Variants in NRG3 observed in about 807,000 individuals in gnomAD.
NRG3 encodes pro-neuregulin-3, membrane-bound isoform.
NRG3 carries 31 observed loss-of-function variants against 66.9 expected under a neutral mutation model. The ratio of observed to expected loss-of-function variants is 0.46; its 90% CI spans 0.35 to 0.63. The LOEUF is 0.63. Ranked by LOEUF, NRG3 falls within the 20% of genes least tolerant of loss-of-function variation. The pLI, the probability that NRG3 is intolerant of heterozygous loss-of-function variation, is 0.00. For synonymous variants in NRG3, 393 were observed against 359.4 expected, an observed-to-expected ratio of 1.09 and a Z score of -1.06; for missense variants, 910 against 878.9, an observed-to-expected ratio of 1.04 and a Z score of -0.45.
At chr10:82,118,033 G>T (rs1389321449) in intron 1 of NRG3, among the ~76,000 whole-genome samples, 1 of 151,966 alleles carries the variant, frequency 6.6e-6, no homozygotes, top group African/African-American at 2.4e-5. Context: ...CACCAACACA[G>T]CCTGAAGCAT....
chr10:82,148,657 G>A (rs543302842), intron 1 of NRG3, among the ~76,000 whole-genome samples: 12 of 152,188 alleles, frequency 7.9e-5, no homozygotes, highest in Non-Finnish European at 1.5e-4. Context: ...TTTAGGGAGA[G>A]GCCTGAAACT....
intron 1 of NRG3, among the ~76,000 whole-genome samples, chr10:82,114,550 C>T (rs2067583051): frequency 6.6e-6 from 1 of 152,050 alleles, no homozygotes. Context: ...CTTGCACAAG[C>T]ATGTCGTCAA....
At chr10:81,906,306 A>G (rs1270935030) in intron 1 of NRG3, among the ~76,000 whole-genome samples, 1 of 152,204 alleles carries the variant, frequency 6.6e-6, no homozygotes, top group South Asian at 2.1e-4. Context: ...GTATGCAGCC[A>G]AATGTTCGTT....
At position 82,203,960 on chromosome 10, in the gene NRG3, A is replaced by G. The variant is rs150000640; in HGVS notation, c.824-154779A>G. Among the ~76,000 whole-genome samples, 1,324 of 152,298 alleles carry G rather than the reference A, an allele frequency of 8.7e-3. 24 individuals carry two copies. Among genetic ancestry groups the G allele is most frequent in the African/African-American group, 0.031 (1,276 of 41,558 alleles). On this transcript the variant is annotated intron_variant, in intron 1 of 8. Transcript: ENST00000372141. ...ATGACTTTTTTTTGGTTCTTTATTT[A>G]ACTGACCATCAGATTTAATATGTTA...
At chr10:82,464,511 C>A (rs370481021) in intron 2 of NRG3, among the ~76,000 whole-genome samples, 2 of 152,150 alleles carry the variant, frequency 1.3e-5, no homozygotes, top group South Asian at 2.1e-4. Context: ...AAAGAGCCAG[C>A]CTTCCTTGCC....
intron 2 of NRG3, among the ~76,000 whole-genome samples, chr10:82,608,212 G>C (rs989905741): frequency 6.6e-6 from 1 of 152,056 alleles, no homozygotes; most frequent in African/African-American, 2.4e-5. Flanking sequence ...TAGCTTGGTG[G>C]GTTTTTTGTT....
At chr10:82,591,182 T>A (rs2046961028) in intron 2 of NRG3, among the ~76,000 whole-genome samples, 1 of 152,156 alleles carries the variant, frequency 6.6e-6, no homozygotes, top group Non-Finnish European at 1.5e-5. Context: ...TCTTAAAGCC[T>A]AGAAGACAAG....
intron 3 of NRG3, among the ~76,000 whole-genome samples, chr10:82,778,988 C>A (rs7477796): frequency 4.0e-5 from 6 of 151,734 alleles, no homozygotes. Flanking sequence ...TTTCCCTGTA[C>A]GAGAATGTGG....
intron 1 of NRG3, among the ~76,000 whole-genome samples, chr10:82,289,724 G>T (rs1414758): frequency 6.6e-6 from 1 of 152,132 alleles, no homozygotes; most frequent in Admixed American, 6.5e-5. Flanking sequence ...CCAAATGAAA[G>T]CCATTTTTCC....
chr10:82,156,185 C>T (rs2071169875), intron 1 of NRG3, among the ~76,000 whole-genome samples: 1 of 151,418 alleles, frequency 6.6e-6, no homozygotes, highest in Admixed American at 6.6e-5. Context: ...TCTGATTTCT[C>T]AGAAAGCAAA....
intron 1 of NRG3, 21 bp from the exon 2 acceptor site, chr10:82,358,718 C>G: frequency 1.2e-6 from 2 of 1,613,940 alleles, no homozygotes; most frequent in Non-Finnish European, 1.7e-6. Flanking sequence ...ACAGCGTTTC[C>G]CCCTGTGCTT....
intron 1 of NRG3, among the ~76,000 whole-genome samples, chr10:82,139,310 A>C (rs1226693496): frequency 6.6e-6 from 1 of 152,200 alleles, no homozygotes; most frequent in Non-Finnish European, 1.5e-5. Context: ...AAGTTGTGCC[A>C]AAGTCATTAA....
intron 2 of NRG3, among the ~76,000 whole-genome samples, chr10:82,406,687 T>C (rs1046215361): frequency 2.0e-5 from 3 of 152,172 alleles, no homozygotes; most frequent in African/African-American, 7.2e-5. Context: ...GAGAAAGTGA[T>C]AGAATACTAC....
chr10:82,634,136 T>G (rs1338248859), intron 2 of NRG3, among the ~76,000 whole-genome samples: 1 of 152,124 alleles, frequency 6.6e-6, no homozygotes, highest in Non-Finnish European at 1.5e-5. Context: ...AGTGTTCAGG[T>G]GAATCCTCTA....
intron 1 of NRG3, among the ~76,000 whole-genome samples, chr10:81,899,750 A>T (rs933901636): frequency 2.0e-4 from 31 of 151,662 alleles, no homozygotes; most frequent in African/African-American, 7.3e-4. Context: ...AAGCAACTGG[A>T]GGCTGTCCAC....
intron 1 of NRG3, among the ~76,000 whole-genome samples, chr10:81,968,568 T>G (rs576954676): frequency 6.6e-6 from 1 of 152,332 alleles, no homozygotes; most frequent in South Asian, 2.1e-4. Context: ...ATGCTTGAAC[T>G]TAAAACTGGC....
intron 2 of NRG3, among the ~76,000 whole-genome samples, chr10:82,590,062 A>C (rs1590789617): frequency 6.6e-6 from 1 of 152,258 alleles, no homozygotes; most frequent in East Asian, 1.9e-4. Flanking sequence ...TCAATACTTT[A>C]ATGAGAACTA....
At chr10:82,214,736 C>T (rs1433496530) in intron 1 of NRG3, among the ~76,000 whole-genome samples, 1 of 152,172 alleles carries the variant, frequency 6.6e-6, no homozygotes, top group East Asian at 1.9e-4. Context: ...TCCCAAAGCA[C>T]TGGGATTACT....
intron 2 of NRG3, among the ~76,000 whole-genome samples, chr10:82,520,538 T>C (rs1846085794): frequency 6.6e-6 from 1 of 152,160 alleles, no homozygotes; most frequent in Admixed American, 6.5e-5. Context: ...TCTCAGCTTG[T>C]CTGTCTGTAT....
Sources: gnomAD v4.1 joint callset for allele counts (sites outside exome capture counted in the v4.1 genomes callset) on GRCh38, gnomAD v4.1.1 for gene constraint, MANE v1.5 for transcripts, NCBI Gene and HGNC (gene_info 2026-07-23, HGNC 2026-07-21) for gene names.